Variants in SLC39A11 observed in about 807,000 individuals in gnomAD.
SLC39A11 encodes solute carrier family 39 member 11, also known as zinc transporter ZIP11.
In SLC39A11, 33 loss-of-function variants were observed where a neutral mutation model predicts 36.1. The ratio of observed to expected loss-of-function variants is 0.91; its 90% CI spans 0.69 to 1.22. The LOEUF (loss-of-function observed/expected upper bound fraction) is 1.22. Ranked by LOEUF, SLC39A11 falls within the 50% of genes most tolerant of loss-of-function variation. The probability of loss-of-function intolerance (pLI) is 0.00; values close to 1 mark genes in which losing one functional copy is unlikely to be tolerated. For synonymous variants in SLC39A11, 166 were observed against 170.3 expected (o/e 0.97, Z 0.20); for missense variants, 432 against 430.3 (o/e 1.00, Z -0.03).
intron 6 of SLC39A11, among the ~76,000 whole-genome samples, chr17:72,753,733 A>C (rs1360935139): frequency 6.6e-6 from 1 of 151,852 alleles, no homozygotes; most frequent in Non-Finnish European, 1.5e-5. Context: ...TGGAAAGGGC[A>C]TTCTCCAGGG....
In SLC39A11 at chr17:72,649,262, C is replaced by G. The variant is rs758334254; in HGVS notation, c.678G>C (p.Leu226Phe). The G allele has an allele frequency of 6.2e-7, 1 of 1,614,000 alleles. No individual in the cohort carries two copies. The highest frequency in any genetic ancestry group is 8.5e-7 in the Non-Finnish European group (1 of 1,179,946). The change falls in exon 8 of 10, where the codon TTG (leucine) becomes TTC (phenylalanine). Residue 226 changes from leucine to phenylalanine, a missense_variant. Leu to Phe is a conservative substitution (Grantham distance 22). Transcript: ENST00000255559. ...ASATFESARN[L>F]AIGIGIQNFP... ...AATTCTGGATCCCGATTCCAATGGC[C>G]AAATTCCTGAAAAACCAAGAAAGCA...
chr17:72,912,703 C>G (rs1432276548), intron 5 of SLC39A11, among the ~76,000 whole-genome samples: 6 of 152,132 alleles, frequency 3.9e-5, no homozygotes, highest in African/African-American at 1.2e-4. Context: ...CCAGAAGCAT[C>G]GACCAGAGCA....
chr17:72,755,728 C>T (rs1354727521), intron 6 of SLC39A11, among the ~76,000 whole-genome samples: 1 of 152,196 alleles, frequency 6.6e-6, no homozygotes, highest in African/African-American at 2.4e-5. Flanking sequence ...CAGAGAATCC[C>T]GCCCTGTGGG....
rs756559699 is a variant in SLC39A11 at position 72,647,642 on chromosome 17, G to A, written c.950C>T (p.Ser317Phe). ...AQISGNGKLA[S>F]WASILGFVVM... ...TACAAATCCCAGGATGGAGGCCCAG[G>A]ATGCCAGTTTCCCATTACCACTGGA... is the stretch of plus-strand genomic sequence containing the variant. Residue 317 changes from serine to phenylalanine, a missense_variant, in exon 10 of 10, where the codon TCC becomes TTC. Physicochemically the swap from Ser to Phe is radical, Grantham distance 155. Coordinates refer to ENST00000255559, the MANE Select transcript of SLC39A11 (RefSeq NM_139177.4). 1 of 1,613,954 alleles carries A rather than the reference G, an allele frequency of 6.2e-7. No individual in the cohort carries two copies. The highest frequency in any genetic ancestry group is 8.5e-7 in the Non-Finnish European group (1 of 1,179,922).
intron 5 of SLC39A11, among the ~76,000 whole-genome samples, chr17:72,876,489 C>T (rs2080902336): frequency 6.6e-6 from 1 of 152,142 alleles, no homozygotes. Context: ...TTTGAATAAA[C>T]ACAGAAATGG....
intron 6 of SLC39A11, among the ~76,000 whole-genome samples, chr17:72,842,078 A>ATGTGTG (rs61185081): frequency 0.34 from 50,171 of 148,658 alleles, 8,657 homozygotes; most frequent in East Asian, 0.6. Context: ...TCAAAAAACT[A>ATGTGTG]TGTGTGTGTG....
intron 7 of SLC39A11, among the ~76,000 whole-genome samples, chr17:72,721,091 T>TC (rs2073649470): frequency 1.3e-5 from 2 of 150,536 alleles, no homozygotes; most frequent in South Asian, 4.2e-4. Context: ...CCTCGCCTTT[T>TC]TTTTTTTTTT....
At chr17:73,008,398 C>T (rs922560459) in intron 4 of SLC39A11, among the ~76,000 whole-genome samples, 1 of 152,130 alleles carries the variant, frequency 6.6e-6, no homozygotes, top group Admixed American at 6.5e-5. Flanking sequence ...CCCAAACAAC[C>T]ACACTGCCCT....
intron 6 of SLC39A11, among the ~76,000 whole-genome samples, chr17:72,841,525 G>A (rs2078806929): frequency 6.6e-6 from 1 of 152,128 alleles, no homozygotes; most frequent in African/African-American, 2.4e-5. Flanking sequence ...AGATAGAGAG[G>A]AGAAGGATGT....
At chr17:72,932,549 G>A (rs2084481454) in intron 5 of SLC39A11, among the ~76,000 whole-genome samples, 1 of 150,368 alleles carries the variant, frequency 6.7e-6, no homozygotes, top group South Asian at 2.1e-4. Context: ...TTCAGAGAGT[G>A]TTCGGACCCA....
In SLC39A11 at chr17:72,830,395, T is replaced by G. The variant is rs555009781; in HGVS notation, c.601+19239A>C. Among the ~76,000 whole-genome samples, 4 of 152,216 alleles carry G rather than the reference T, an allele frequency of 2.6e-5. No individual in the cohort carries two copies. The East Asian group carries it at 7.7e-4, about 29-fold the overall frequency. Reference sequence around the variant, plus strand: ...AAGGTAGCCATGCAAAACTCAACACTGTTTGTCAACGTGGGTACTAACTCG... The same window carrying G: ...AAGGTAGCCATGCAAAACTCAACACGGTTTGTCAACGTGGGTACTAACTCG... On this transcript the variant is annotated intron_variant, in intron 6 of 9. Transcript: ENST00000255559.
intron 4 of SLC39A11, among the ~76,000 whole-genome samples, chr17:72,972,196 T>C (rs1204863902): frequency 1.3e-5 from 2 of 152,056 alleles, no homozygotes; most frequent in Non-Finnish European, 2.9e-5. Flanking sequence ...ACGTTATAGT[T>C]ATTGGTGTTA....
chr17:72,812,812 A>T (rs2077472261), intron 6 of SLC39A11, among the ~76,000 whole-genome samples: 1 of 152,212 alleles, frequency 6.6e-6, no homozygotes, highest in Non-Finnish European at 1.5e-5. Flanking sequence ...TCATTTAAGA[A>T]GGCATTGTGC....
intron 4 of SLC39A11, among the ~76,000 whole-genome samples, chr17:73,013,738 A>G (rs2090653721): frequency 6.6e-6 from 1 of 151,346 alleles, no homozygotes; most frequent in South Asian, 2.1e-4. Flanking sequence ...TTGTTCCTGT[A>G]TTTTATGTGT....
chr17:72,985,748 A>C (rs955512145), intron 4 of SLC39A11, among the ~76,000 whole-genome samples: 6 of 152,092 alleles, frequency 3.9e-5, no homozygotes, highest in Non-Finnish European at 7.4e-5. Flanking sequence ...TTATTTATTA[A>C]TCTTCCTGCA....
chr17:72,910,496 C>T (rs1046333460), intron 5 of SLC39A11, among the ~76,000 whole-genome samples: 4 of 151,684 alleles, frequency 2.6e-5, no homozygotes, highest in East Asian at 1.9e-4. Flanking sequence ...TGGTGGCATG[C>T]GCCTATAATC....
chr17:72,774,946 C>T (rs1227446391), intron 6 of SLC39A11, among the ~76,000 whole-genome samples: 2 of 151,742 alleles, frequency 1.3e-5, no homozygotes. Context: ...TCATGCCTGT[C>T]TAACTTTCAG....
chr17:72,916,796 A>G (rs1416024520), intron 5 of SLC39A11, among the ~76,000 whole-genome samples: 1 of 151,984 alleles, frequency 6.6e-6, no homozygotes, highest in East Asian at 1.9e-4. Context: ...CTCCCTCCGC[A>G]CCTCAATTCA....
chr17:72,718,680 G>A (rs1385041356), intron 7 of SLC39A11, among the ~76,000 whole-genome samples: 1 of 152,190 alleles, frequency 6.6e-6, no homozygotes, highest in African/African-American at 2.4e-5. Context: ...AATTCATAGG[G>A]ACAGAAAGTA....
Sources: gnomAD v4.1 joint callset for allele counts (sites outside exome capture counted in the v4.1 genomes callset) on GRCh38, gnomAD v4.1.1 for gene constraint, MANE v1.5 for transcripts, NCBI Gene and HGNC (gene_info 2026-07-23, HGNC 2026-07-21) for gene names.